Variants in SPATS2L observed in about 807,000 individuals in gnomAD.
SPATS2L encodes SPATS2-like protein.
In SPATS2L, 30 loss-of-function variants were observed where a neutral mutation model predicts 59.6. That is an observed-to-expected ratio of 0.50 (90% CI 0.38 to 0.68). The LOEUF is 0.68. Among genes scored for constraint, SPATS2L ranks in the 30% least tolerant of loss-of-function variants. The pLI, the probability that SPATS2L is intolerant of heterozygous loss-of-function variation, is 0.00. For missense variants in SPATS2L, 615 were observed against 700.0 expected, an observed-to-expected ratio of 0.88 and a Z score of 1.37; for synonymous variants, 252 against 263.5, an observed-to-expected ratio of 0.96 and a Z score of 0.42.
rs1323657604 is a variant in SPATS2L, at chr2:200,478,698, A to T, written c.*667A>T. 2 of 152,612 alleles carry T rather than the reference A, an allele frequency of 1.3e-5. No homozygotes were observed. Among genetic ancestry groups the T allele is most frequent in the East Asian group, 3.9e-4 (2 of 5,180 alleles). 9.5% of individuals were successfully genotyped at this position (152,612 alleles called of 1,614,324 possible). A position where few individuals can be genotyped will look rare whatever the true frequency, so the allele number is the denominator to read the frequency against. On this transcript the variant is annotated 3_prime_UTR_variant, in exon 13 of 13. Coordinates refer to ENST00000409140, the MANE Select transcript of SPATS2L (RefSeq NM_001100423.2). Reference sequence around the variant, plus strand: ...CAGGAAAATATATATATGCCCTTTCAATTAGATTACACAAATAGATGGATA... The same window carrying T: ...CAGGAAAATATATATATGCCCTTTCTATTAGATTACACAAATAGATGGATA...
intron 3 of SPATS2L, among the ~76,000 whole-genome samples, chr2:200,400,990 AC>A (rs2082508748): frequency 6.6e-6 from 1 of 152,192 alleles, no homozygotes; most frequent in African/African-American, 2.4e-5. Flanking sequence ...TCCCCTTAAA[AC>A]TGGGCAGACT....
chr2:200,310,785 T>C (rs976055147), intron 1 of SPATS2L, among the ~76,000 whole-genome samples: 2 of 152,238 alleles, frequency 1.3e-5, no homozygotes, highest in Non-Finnish European at 2.9e-5. Flanking sequence ...TAAGATGACA[T>C]GCTCATTTTC....
chr2:200,464,571 G>A (rs2086456258), intron 9 of SPATS2L, among the ~76,000 whole-genome samples: 1 of 152,168 alleles, frequency 6.6e-6, no homozygotes, highest in Admixed American at 6.5e-5. Context: ...CTGTTGGACT[G>A]TGTCATCACT....
intron 1 of SPATS2L, among the ~76,000 whole-genome samples, chr2:200,329,158 T>C (rs2079852265): frequency 6.6e-6 from 1 of 152,234 alleles, no homozygotes; most frequent in South Asian, 2.1e-4. Flanking sequence ...TTAGGCAGTG[T>C]GCTAAATGCA....
chr2:200,379,178 T>C (rs2081710067), intron 2 of SPATS2L, among the ~76,000 whole-genome samples: 1 of 152,218 alleles, frequency 6.6e-6, no homozygotes, highest in African/African-American at 2.4e-5. Flanking sequence ...TTAAGCTCCT[T>C]TGGGGCCAAG....
chr2:200,427,015 T>C (rs1192981574), intron 6 of SPATS2L, among the ~76,000 whole-genome samples: 1 of 152,140 alleles, frequency 6.6e-6, no homozygotes, highest in African/African-American at 2.4e-5. Context: ...TCTCTTCTCT[T>C]TCTCATTCAA....
At chr2:200,439,500 G>A (rs1189269436) in intron 7 of SPATS2L, among the ~76,000 whole-genome samples, 172 bp downstream of exon 7, 2 of 152,146 alleles carry the variant, frequency 1.3e-5, no homozygotes, top group African/African-American at 4.8e-5. Context: ...TTCCTCCCAT[G>A]TAATCAAAGG....
intron 2 of SPATS2L, among the ~76,000 whole-genome samples, chr2:200,337,031 C>G (rs1164821503): frequency 6.6e-6 from 1 of 152,172 alleles, no homozygotes. Context: ...CCTTGGTTTT[C>G]CACAGTGTTG....
intron 1 of SPATS2L, among the ~76,000 whole-genome samples, chr2:200,321,085 T>G (rs188623593): frequency 1.3e-5 from 2 of 152,336 alleles, no homozygotes; most frequent in African/African-American, 4.8e-5. Flanking sequence ...CAGCTCAAAT[T>G]CCACCTCTCA....
chr2:200,393,526 G>T (rs922454246), intron 3 of SPATS2L, among the ~76,000 whole-genome samples: 1 of 152,188 alleles, frequency 6.6e-6, no homozygotes, highest in African/African-American at 2.4e-5. Flanking sequence ...TTGAAAGAGG[G>T]TGATGACAAT....
At chr2:200,437,133 A>G (rs2084354042) in intron 6 of SPATS2L, among the ~76,000 whole-genome samples, 1 of 152,158 alleles carries the variant, frequency 6.6e-6, no homozygotes, top group Admixed American at 6.6e-5. Flanking sequence ...GTACAGAACC[A>G]TGAACCAAAT....
intron 6 of SPATS2L, among the ~76,000 whole-genome samples, chr2:200,430,551 G>C (rs2083853837): frequency 6.6e-6 from 1 of 151,910 alleles, no homozygotes; most frequent in African/African-American, 2.4e-5. Flanking sequence ...TAAACGGCCT[G>C]TGAACCTTTG....
At chr2:200,361,318 T>G (rs2081100185) in intron 2 of SPATS2L, among the ~76,000 whole-genome samples, 2 of 152,080 alleles carry the variant, frequency 1.3e-5, no homozygotes, top group Admixed American at 1.3e-4. Context: ...GGAAATTGAC[T>G]GGGGGGAGAA....
intron 2 of SPATS2L, among the ~76,000 whole-genome samples, chr2:200,352,537 C>T (rs371878820): frequency 2.0e-5 from 3 of 151,702 alleles, no homozygotes; most frequent in Non-Finnish European, 2.9e-5. Flanking sequence ...CTTTTTTAAC[C>T]CTTAGCTCTA....
At chr2:200,335,478 T>G (rs1474107105) in intron 2 of SPATS2L, among the ~76,000 whole-genome samples, 3 of 152,184 alleles carry the variant, frequency 2.0e-5, no homozygotes, top group Non-Finnish European at 4.4e-5. Flanking sequence ...CAATATTGTG[T>G]GCTTTGACGG....
intron 2 of SPATS2L, among the ~76,000 whole-genome samples, chr2:200,332,192 G>A (rs1312702850): frequency 6.6e-6 from 1 of 151,394 alleles, no homozygotes; most frequent in Non-Finnish European, 1.5e-5. Flanking sequence ...GAGACAGAGA[G>A]GAAAGAGAGA....
intron 8 of SPATS2L, among the ~76,000 whole-genome samples, chr2:200,441,916 TA>T (rs1454884332): frequency 6.6e-6 from 1 of 152,202 alleles, no homozygotes; most frequent in Non-Finnish European, 1.5e-5. Flanking sequence ...AAACTGTGTG[TA>T]AAACTAAGAA....
At chr2:200,315,990 A>G (rs1173127460) in intron 1 of SPATS2L, among the ~76,000 whole-genome samples, 1 of 143,740 alleles carries the variant, frequency 7.0e-6, no homozygotes. Context: ...GTGCCACTGC[A>G]CTCCAGCCTG....
At chr2:200,406,260 A>G (rs925258168) in intron 3 of SPATS2L, among the ~76,000 whole-genome samples, 6 of 152,118 alleles carry the variant, frequency 3.9e-5, no homozygotes, top group African/African-American at 1.4e-4. Flanking sequence ...TTCTAATGGG[A>G]CTTATATTTA....
Sources: allele counts gnomAD v4.1 joint callset (sites outside exome capture counted in the v4.1 genomes callset), GRCh38; gene constraint gnomAD v4.1.1; transcripts MANE v1.5; gene names NCBI Gene and HGNC (gene_info 2026-07-23, HGNC 2026-07-21).